Variants in MIB1 observed in about 807,000 individuals in gnomAD.
The protein encoded by MIB1 is E3 ubiquitin-protein ligase MIB1.
MIB1 carries 278 observed loss-of-function variants against 124.5 expected under a neutral mutation model. The observed-to-expected ratio is 2.23, with a 90% CI of 2.02 to 2.47. MIB1 has a LOEUF of 2.47. Ranked by LOEUF, MIB1 falls within the 30% of genes most tolerant of loss-of-function variation. The pLI is 0.00. For missense variants in MIB1, 957 were observed against 1,254.4 expected, an observed-to-expected ratio of 0.76 and a Z score of 3.58; for synonymous variants, 446 against 429.4, an observed-to-expected ratio of 1.04 and a Z score of -0.48.
chr18:21,842,992 T>C lies in MIB1; in HGVS notation c.1963-139T>C, dbSNP rs2042104634. ...TACTTTAACAGCAACTGTTACCATA[T>C]GAGAATAACATTGCAGCAGCTGAAG... is the stretch of plus-strand genomic sequence containing the variant. On this transcript the variant is annotated intron_variant, in intron 13 of 20. Coordinates refer to ENST00000261537, the MANE Select transcript of MIB1 (RefSeq NM_020774.4). The C allele has an allele frequency of 1.0e-5, 6 of 577,782 alleles. No individual in the cohort carries two copies. In the Middle Eastern group the frequency reaches 1.7e-3, roughly 166 times the overall value. The allele number at this position is 577,782 out of a possible 1,614,324, so 35.8% of individuals were successfully genotyped here.
chr18:21,713,637 A>T (rs921084383), intron 1 of MIB1, among the ~76,000 whole-genome samples: 4 of 141,624 alleles, frequency 2.8e-5, no homozygotes, highest in Admixed American at 1.4e-4. Flanking sequence ...AAAAAAAAAA[A>T]GCTTAATTAA....
chr18:21,775,237 G>T (rs1042611850), intron 4 of MIB1, among the ~76,000 whole-genome samples: 1 of 151,914 alleles, frequency 6.6e-6, no homozygotes, highest in Non-Finnish European at 1.5e-5. Context: ...GAGCCACCAC[G>T]CCTGGCCTTA....
In MIB1 at chr18:21,835,840, A is replaced by AACACACACAAACAC. The variant is rs144965056; in HGVS notation, c.1830-2517_1830-2516insAAACACACACACAC. ...ACACACACACACACACACACACACA[A>AACACACACAAACAC]ACACACACGAGGAGTATTGGGAAAG... On this transcript the variant is annotated intron_variant, in intron 12 of 20. Coordinates refer to ENST00000261537, the MANE Select transcript of MIB1 (RefSeq NM_020774.4). Among the ~76,000 whole-genome samples, 7 of 108,056 alleles carry AACACACACAAACAC rather than the reference A, an allele frequency of 6.5e-5. No individual in the cohort carries two copies. The Admixed American group carries it at 7.0e-4, about 11-fold the overall frequency. The allele number at this position is 108,056 out of a possible 152,430, so 70.9% of individuals were successfully genotyped here. A position where few individuals can be genotyped will look rare whatever the true frequency, so the allele number is the denominator to read the frequency against.
At chr18:21,813,125 T>C (rs2041792893) in intron 10 of MIB1, among the ~76,000 whole-genome samples, 1 of 152,088 alleles carries the variant, frequency 6.6e-6, no homozygotes, top group African/African-American at 2.4e-5. Context: ...CTGCATTAAG[T>C]GTTTCAGTAG....
chr18:21,758,603 T>C (rs1256516845), intron 1 of MIB1, among the ~76,000 whole-genome samples: 1 of 151,988 alleles, frequency 6.6e-6, no homozygotes, highest in Non-Finnish European at 1.5e-5. Context: ...GGCGTGGTCT[T>C]GACTCACTGC....
At chr18:21,759,840 A>G (rs928901403) in intron 1 of MIB1, among the ~76,000 whole-genome samples, 1 of 152,212 alleles carries the variant, frequency 6.6e-6, no homozygotes, top group African/African-American at 2.4e-5. Flanking sequence ...TACTTAAATC[A>G]GTGCTTTGTG....
intron 12 of MIB1, among the ~76,000 whole-genome samples, chr18:21,833,144 G>A (rs1466751653): frequency 2.0e-5 from 3 of 152,156 alleles, no homozygotes; most frequent in African/African-American, 7.2e-5. Context: ...CAGACTGGGA[G>A]CTCTTCACCA....
chr18:21,707,421 CG>C (rs1430261712), intron 1 of MIB1, among the ~76,000 whole-genome samples: 1 of 152,188 alleles, frequency 6.6e-6, no homozygotes, highest in Non-Finnish European at 1.5e-5. Flanking sequence ...GCAGGCTGCC[CG>C]AGCCAGCAGA....
rs1244983623 is a variant in MIB1, at chr18:21,768,603, A to G, written c.402-20A>G. 2.0e-6 allele frequency: 3 copies of G among 1,479,236 alleles called. No homozygotes were observed. The African/African-American group carries it at 4.2e-5, about 21-fold the overall frequency. 91.6% of individuals were successfully genotyped at this position (1,479,236 alleles called of 1,614,324 possible). A position where few individuals can be genotyped will look rare whatever the true frequency, so the allele number is the denominator to read the frequency against. On this transcript the variant is annotated intron_variant, in intron 2 of 20. Coordinates refer to ENST00000261537, the MANE Select transcript of MIB1 (RefSeq NM_020774.4). ...TACCTATTTTTATATAAACTTGAAA[A>G]TAAATAATTTTATTTTTAGGGTTCT...
At chr18:21,705,895 G>A (rs996578037) in intron 1 of MIB1, among the ~76,000 whole-genome samples, 1 of 152,036 alleles carries the variant, frequency 6.6e-6, no homozygotes, top group African/African-American at 2.4e-5. Context: ...GTATATACTG[G>A]ACTCCCCGTG....
At position 21,796,754 on chromosome 18, in the gene MIB1, T is replaced by G. The variant is rs2041586307; in HGVS notation, c.1093-1330T>G. 9.2e-5 allele frequency among the ~76,000 whole-genome samples: 14 copies of G among 152,056 alleles called. 1 individual carries two copies. The highest frequency in any genetic ancestry group is 9.2e-4 in the Admixed American group (14 of 15,262). ...CTAATTCTGACTCTTTGACAAGAGG[T>G]GAACAAAATGAGCCTCGTACCAGGT... On this transcript the variant is annotated intron_variant, in intron 7 of 20. Transcript: ENST00000261537.
At chr18:21,835,132 A>G (rs2042014920) in intron 12 of MIB1, among the ~76,000 whole-genome samples, 1 of 152,252 alleles carries the variant, frequency 6.6e-6, no homozygotes, top group Admixed American at 6.5e-5. Context: ...AATTGATTTC[A>G]AGAAAATATT....
At chr18:21,827,055 T>G (rs1251930839) in intron 12 of MIB1, 2 of 152,092 alleles carry the variant, frequency 1.3e-5, no homozygotes, top group Non-Finnish European at 2.9e-5. Flanking sequence ...GGATGGCAGT[T>G]CAGTTTCATA....
chr18:21,831,252 T>TA (rs2041978649), intron 12 of MIB1: 1 of 134,558 alleles, frequency 7.4e-6, no homozygotes, highest in African/African-American at 2.7e-5. Flanking sequence ...TTCTTGCTTT[T>TA]AGATTTTTTT....
intron 1 of MIB1, among the ~76,000 whole-genome samples, chr18:21,715,364 A>T (rs934901562): frequency 3.9e-5 from 6 of 152,334 alleles, no homozygotes; most frequent in African/African-American, 9.6e-5. Context: ...TCTGAACAAC[A>T]GCCTTCATCC....
rs756479315 is a variant in MIB1 at position 21,815,779 on chromosome 18, CT to C, written c.1646del (p.Leu549TyrfsTer23). On this transcript the variant is annotated frameshift_variant, in exon 11 of 21. Transcript: ENST00000261537. LOFTEE classifies it high-confidence loss of function. Reference protein sequence around the residue: ...VNKGHLQVVKTLLDFGCHPSL... With the variant: ...VNKGHLQVVKXLLDFGCHPSL... ...AAAGGTCATCTTCAAGTTGTGAAGA[CT>C]TTATTGGACTTTGGCTGTCATCCCA... 1.2e-6 allele frequency: 2 copies of C among 1,614,148 alleles called. No individual in the cohort carries two copies. The highest frequency in any genetic ancestry group is 1.7e-6 in the Non-Finnish European group (2 of 1,180,014).
chr18:21,844,597 T>A (rs1280037555), intron 15 of MIB1, among the ~76,000 whole-genome samples: 1 of 152,004 alleles, frequency 6.6e-6, no homozygotes, highest in Non-Finnish European at 1.5e-5. Flanking sequence ...CCTAGCTAAT[T>A]TTTGTATTTT....
chr18:21,819,670 G>A, intron 12 of MIB1, 24 bp downstream of exon 12: 2 of 1,432,064 alleles, frequency 1.4e-6, no homozygotes, highest in Non-Finnish European at 1.9e-6. Context: ...TACTATTTTA[G>A]GTGCAATTCA....
At chr18:21,739,814 C>T (rs1156920204), upstream of MIB1, among the ~76,000 whole-genome samples, 2 of 151,968 alleles carry the variant, frequency 1.3e-5, no homozygotes, top group Non-Finnish European at 2.9e-5. Context: ...ACTCAGAAGG[C>T]TGAGGTGGGC....
Sources: gnomAD v4.1 joint callset for allele counts (sites outside exome capture counted in the v4.1 genomes callset) on GRCh38, gnomAD v4.1.1 for gene constraint, MANE v1.5 for transcripts, NCBI Gene and HGNC (gene_info 2026-07-23, HGNC 2026-07-21) for gene names.